The following ABCB5 variants were observed in gnomAD, a reference collection of about 807,000 sequenced individuals.
ABCB5 encodes ATP-binding cassette sub-family B member 5.
ABCB5 carries 155 observed loss-of-function variants against 144.2 expected under a neutral mutation model. The observed-to-expected ratio is 1.08, with a 90% CI of 0.94 to 1.23. The LOEUF is 1.23. ABCB5 is among the 50% of genes most tolerant of loss of function. ABCB5 has a pLI of 0.00. For missense variants in ABCB5, 1,830 were observed against 1,520.8 expected (o/e 1.20, Z -3.38); for synonymous variants, 610 against 528.6 (o/e 1.15, Z -2.11).
intron 7 of ABCB5, among the ~76,000 whole-genome samples, chr7:20,645,245 C>T (rs893845255): frequency 5.3e-5 from 8 of 152,150 alleles, no homozygotes; most frequent in Non-Finnish European, 7.3e-5. Flanking sequence ...TAGTGATCTA[C>T]TATAGGAATA....
intron 20 of ABCB5, among the ~76,000 whole-genome samples, chr7:20,711,459 T>C (rs1276147059): frequency 1.6e-5 from 2 of 122,870 alleles, no homozygotes; most frequent in East Asian, 7.9e-4. Flanking sequence ...CTTTCCATTC[T>C]TTCTTTCTTT....
chr7:20,705,459 C>T (rs774514212), intron 20 of ABCB5, among the ~76,000 whole-genome samples: 2 of 152,104 alleles, frequency 1.3e-5, no homozygotes, highest in Non-Finnish European at 2.9e-5. Context: ...ACAAAATTCA[C>T]CTTTGTACAA....
chr7:20,681,474 C>T, intron 14 of ABCB5, 31 bp from the exon 15 acceptor site: 1 of 1,610,132 alleles, frequency 6.2e-7, no homozygotes, highest in East Asian at 2.2e-5. Flanking sequence ...CTACTAATGT[C>T]TATTTATTTT....
chr7:20,658,825 G>A (rs1243272457), intron 14 of ABCB5, 149 bp downstream of exon 14: 35 of 1,068,772 alleles, frequency 3.3e-5, no homozygotes, highest in Non-Finnish European at 4.7e-5. Context: ...GAACTTACGT[G>A]ATGGCTATAG....
In ABCB5 at chr7:20,658,527, G is replaced by C; in HGVS notation, c.1558G>C (p.Glu520Gln). 6.2e-7 allele frequency: 1 copy of C among 1,613,964 alleles called. No individual in the cohort carries two copies. Reference protein sequence around the residue: ...FPNKFNTLVGEKGAQMSGGQK... With the variant: ...FPNKFNTLVGQKGAQMSGGQK... Reference sequence around the variant, plus strand: ...TTAGAAATTTAATACATTGGTAGGGGAAAAAGGAGCTCAAATGAGTGGAGG... The same window carrying C: ...TTAGAAATTTAATACATTGGTAGGGCAAAAAGGAGCTCAAATGAGTGGAGG... The change falls in exon 14 of 28, where the codon GAA becomes CAA. Residue 520 changes from glutamate to glutamine, a missense_variant. Glu to Gln is a conservative substitution (Grantham distance 29, BLOSUM62 2). Transcript: ENST00000404938.
chr7:20,624,873 C>T (rs1017967445), intron 2 of ABCB5, among the ~76,000 whole-genome samples: 1 of 152,090 alleles, frequency 6.6e-6, no homozygotes, highest in Non-Finnish European at 1.5e-5. Flanking sequence ...CGCCCTTGGC[C>T]TTTGCCAAAG....
At chr7:20,723,257 A>G in intron 21 of ABCB5, 38 bp downstream of exon 21, 1 of 1,589,552 alleles carries the variant, frequency 6.3e-7, no homozygotes, top group Non-Finnish European at 8.6e-7. Context: ...TAACATTTAA[A>G]GAGAAAAACA....
intron 19 of ABCB5, among the ~76,000 whole-genome samples, chr7:20,704,274 G>T (rs13244742): frequency 0.24 from 36,243 of 151,454 alleles, 4,657 homozygotes; most frequent in Non-Finnish European, 0.28. Flanking sequence ...ACAGAGTTTT[G>T]CCATGTTGGC....
chr7:20,643,764 A>G (rs950087737), intron 7 of ABCB5, 132 bp downstream of exon 7: 3 of 963,400 alleles, frequency 3.1e-6, no homozygotes, highest in Non-Finnish European at 4.5e-6. Context: ...TATACACCAC[A>G]AATACTTTTG....
At chr7:20,723,341 G>A (rs555500971) in intron 21 of ABCB5, 122 bp downstream of exon 21, 10 of 1,018,516 alleles carry the variant, frequency 9.8e-6, no homozygotes, top group East Asian at 5.2e-5. Flanking sequence ...ATCTCTTAGG[G>A]ATCTGTAAAG....
intron 5 of ABCB5, chr7:20,641,920 G>A (rs557557906): frequency 5.3e-5 from 8 of 152,186 alleles, no homozygotes; most frequent in Non-Finnish European, 8.8e-5. Context: ...TCTTGTTCAG[G>A]GCGTCCATTA....
rs59334881 is a variant in ABCB5, at chr7:20,745,379, G to A, written c.3370G>A (p.Glu1124Lys). The change falls in exon 26 of 28, where the codon GAG (glutamate) becomes AAG (lysine). Residue 1124 changes from glutamate to lysine, a missense_variant. By Grantham distance (56) the Glu-to-Lys change is moderately conservative. Transcript: ENST00000404938. ...GDNSRVVPLD[E>K]IKEAANAANI... ...CAACAGCCGTGTGGTGCCATTAGAT[G>A]AGATCAAAGAAGCCGCAAATGCAGC... 3,513 of 1,614,178 alleles carry A rather than the reference G, an allele frequency of 2.2e-3. 63 individuals are homozygous for A. In the African/African-American group the frequency reaches 0.041, roughly 19 times the overall value.
intron 14 of ABCB5, chr7:20,659,405 T>C: frequency 8.5e-7 from 1 of 1,182,018 alleles, no homozygotes; most frequent in Non-Finnish European, 1.0e-6. Context: ...TTTTTTTTTC[T>C]CTAAGAAAAT....
chr7:20,748,822 A>G (rs1782817253), intron 26 of ABCB5, among the ~76,000 whole-genome samples: 1 of 152,134 alleles, frequency 6.6e-6, no homozygotes, highest in Non-Finnish European at 1.5e-5. Flanking sequence ...TAAAATATAT[A>G]CCCATATGTA....
At chr7:20,655,063 A>G (rs1187415177) in intron 13 of ABCB5, among the ~76,000 whole-genome samples, 1 of 150,858 alleles carries the variant, frequency 6.6e-6, no homozygotes, top group Non-Finnish European at 1.5e-5. Context: ...AAAAAAAAGT[A>G]TAACTGTAGC....
chr7:20,672,922 T>C (rs774183141), intron 14 of ABCB5, among the ~76,000 whole-genome samples: 4 of 152,156 alleles, frequency 2.6e-5, no homozygotes, highest in Non-Finnish European at 5.9e-5. Context: ...TCTTCTCTTT[T>C]GTATTTAATT....
chr7:20,696,725 C>T lies in ABCB5; in HGVS notation c.2011-1682C>T, dbSNP rs143943865. The stretch of plus-strand genomic sequence containing the variant: ...ATGTTTTTGTATGAGATTATTTTAA[C>T]GCATGTACAACCTGTCTCATATTTA... On this transcript the variant is annotated intron_variant, in intron 16 of 27. Transcript: ENST00000404938. Among the ~76,000 whole-genome samples, 1,217 of 152,080 alleles carry T rather than the reference C, an allele frequency of 8.0e-3. 27 individuals carry two copies. Among genetic ancestry groups the T allele is most frequent in the African/African-American group, 0.028 (1,162 of 41,496 alleles).
chr7:20,717,786 C>T (rs764203902), intron 20 of ABCB5, among the ~76,000 whole-genome samples: 54 of 149,774 alleles, frequency 3.6e-4, no homozygotes, highest in Non-Finnish European at 6.9e-4. Context: ...TTAGAGCCTA[C>T]CTTAAAAACT....
At chr7:20,622,165 C>T (rs778484677) in intron 1 of ABCB5, among the ~76,000 whole-genome samples, 2 of 152,098 alleles carry the variant, frequency 1.3e-5, no homozygotes, top group South Asian at 2.1e-4. Context: ...CATGCACTTA[C>T]CAAGGCGAGG....
Sources: allele counts gnomAD v4.1 joint callset (sites outside exome capture counted in the v4.1 genomes callset), GRCh38; gene constraint gnomAD v4.1.1; transcripts MANE v1.5; gene names NCBI Gene and HGNC (gene_info 2026-07-23, HGNC 2026-07-21).